The following TLK2 variants were observed in gnomAD, a reference collection of about 807,000 sequenced individuals.
The protein encoded by TLK2 is serine/threonine-protein kinase tousled-like 2.
In TLK2, 6 loss-of-function variants were observed where a neutral mutation model predicts 117.3. That is an observed-to-expected ratio of 0.05 (90% confidence interval 0.03 to 0.10). The LOEUF (loss-of-function observed/expected upper bound fraction) is 0.10. Among genes scored for constraint, TLK2 ranks in the 10% least tolerant of loss-of-function variants. TLK2 has a pLI of 1.00. For missense variants in TLK2, 299 were observed against 901.2 expected, an observed-to-expected ratio of 0.33 and a Z score of 8.56; for synonymous variants, 257 against 316.7, an observed-to-expected ratio of 0.81 and a Z score of 2.00.
At chr17:62,530,242 C>T (rs1463241313) in intron 6 of TLK2, among the ~76,000 whole-genome samples, 1 of 152,126 alleles carries the variant, frequency 6.6e-6, no homozygotes, top group Non-Finnish European at 1.5e-5. Flanking sequence ...CCACTGCACT[C>T]TAGCCTGGGT....
chr17:62,582,291 A>G (rs146246560), intron 15 of TLK2, among the ~76,000 whole-genome samples: 183 of 152,156 alleles, frequency 1.2e-3, no homozygotes, highest in African/African-American at 4.2e-3. Flanking sequence ...GTGCTGCCTA[A>G]GCTGGTCTCA....
chr17:62,538,033 G>GTTTTTTTTTTT (rs57512334), intron 7 of TLK2, among the ~76,000 whole-genome samples: 4 of 106,186 alleles, frequency 3.8e-5, no homozygotes, highest in South Asian at 3.6e-4. Context: ...TTAAATCTTT[G>GTTTTTTTTTTT]TTTTTTTTTT....
chr17:62,595,994 G>T (rs1323874948), intron 16 of TLK2, among the ~76,000 whole-genome samples: 1 of 152,118 alleles, frequency 6.6e-6, no homozygotes, highest in Non-Finnish European at 1.5e-5. Flanking sequence ...GTGGAAAAGA[G>T]GTGTGATTAT....
At chr17:62,601,903 A>G in intron 18 of TLK2, 139 bp from the exon 19 acceptor site, 1 of 703,182 alleles carries the variant, frequency 1.4e-6, no homozygotes, top group East Asian at 2.8e-5. Context: ...CAGAGTCCAG[A>G]TTGCTTGATT....
chr17:62,592,765 A>G (rs1441004860), intron 16 of TLK2, among the ~76,000 whole-genome samples: 3 of 152,314 alleles, frequency 2.0e-5, no homozygotes, highest in South Asian at 2.1e-4. Flanking sequence ...ACATTGTAGT[A>G]TATACTGAAT....
chr17:62,536,530 T>C (rs2077125148), intron 7 of TLK2, among the ~76,000 whole-genome samples, 193 bp downstream of exon 7: 1 of 152,008 alleles, frequency 6.6e-6, no homozygotes, highest in African/African-American at 2.4e-5. Flanking sequence ...TTTTTCCCAG[T>C]CTCCCTTGGT....
intron 7 of TLK2, among the ~76,000 whole-genome samples, chr17:62,538,891 G>A (rs1308976718): frequency 1.3e-5 from 2 of 152,172 alleles, no homozygotes; most frequent in African/African-American, 4.8e-5. Flanking sequence ...AATCAGCAAA[G>A]GAAAGCAGAT....
chr17:62,572,675 C>T (rs986353999), intron 11 of TLK2, among the ~76,000 whole-genome samples: 12 of 151,996 alleles, frequency 7.9e-5, no homozygotes, highest in African/African-American at 1.5e-4. Context: ...TATCAGTGGG[C>T]GGGGTTGACG....
intron 17 of TLK2, 51 bp downstream of exon 17, chr17:62,596,725 C>A: frequency 6.6e-7 from 1 of 1,508,658 alleles, no homozygotes; most frequent in Non-Finnish European, 9.2e-7. Context: ...TCTTGCAATG[C>A]TGATTGTTCA....
At chr17:62,596,706 A>G (rs755333274) in intron 17 of TLK2, 32 bp downstream of exon 17, 37 of 1,583,702 alleles carry the variant, frequency 2.3e-5, no homozygotes, top group Non-Finnish European at 2.6e-5. Context: ...CTTAACAGTT[A>G]TATTATTTTC....
chr17:62,501,041 A>G (rs1309515890), intron 2 of TLK2, among the ~76,000 whole-genome samples: 1 of 151,982 alleles, frequency 6.6e-6, no homozygotes, highest in Non-Finnish European at 1.5e-5. Flanking sequence ...GATCGAGACC[A>G]TCCTGGCTAA....
At chr17:62,564,891 T>C (rs932235683) in intron 10 of TLK2, 110 bp from the exon 11 acceptor site, 15 of 1,365,444 alleles carry the variant, frequency 1.1e-5, no homozygotes, top group Middle Eastern at 2.5e-4. Flanking sequence ...GAGAAGTGTA[T>C]GGTTTTCAAT....
rs760251145 is a variant in TLK2 at position 62,548,227 on chromosome 17, C to CATATAT, written c.532-4066_532-4061dup. ...TTTTGCATTTTACTTATCATTGGGC[C>CATATAT]ATATATATATATATGTGTGTGTGTG... On this transcript the variant is annotated intron_variant, in intron 7 of 21. Coordinates refer to ENST00000346027, the MANE Select transcript of TLK2 (RefSeq NM_006852.6). Among the ~76,000 whole-genome samples the CATATAT allele has an allele frequency of 3.5e-3, 464 of 132,210 alleles. 3 individuals are homozygous for CATATAT. The highest frequency in any genetic ancestry group is 0.013 in the African/African-American group (433 of 34,014). 86.7% of individuals were successfully genotyped at this position (132,210 alleles called of 152,430 possible).
rs200412545 is a variant in TLK2 at position 62,569,434 on chromosome 17, C to CT, written c.969-3762dup. Among the ~76,000 whole-genome samples the CT allele has an allele frequency of 3.2e-3, 279 of 87,208 alleles. 9 individuals are homozygous for CT. The highest frequency in any genetic ancestry group is 9.1e-3 in the South Asian group (21 of 2,314). 57.2% of individuals were successfully genotyped at this position (87,208 alleles called of 152,430 possible). On this transcript the variant is annotated intron_variant, in intron 11 of 21. Transcript: ENST00000346027. ...TTTAAATAATGACTGGAAATACGTG[C>CT]TTTTTTTTTTTTTTTTTTTGAGATG...
chr17:62,499,863 GA>G lies in TLK2; in HGVS notation c.81+18664del, dbSNP rs542108105. On this transcript the variant is annotated intron_variant, in intron 2 of 21. Coordinates refer to ENST00000346027, the MANE Select transcript of TLK2 (RefSeq NM_006852.6). ...GAGACTCAGTCTAAAAAAAAAAAAA[GA>G]AAAAAAGAATTATTTGTTGTGAAAA... Among the ~76,000 whole-genome samples, 31 of 149,506 alleles carry G rather than the reference GA, an allele frequency of 2.1e-4. No homozygotes were observed. The East Asian group carries it at 6.1e-3, about 29-fold the overall frequency.
At chr17:62,539,503 A>G (rs2077355561) in intron 7 of TLK2, among the ~76,000 whole-genome samples, 1 of 139,428 alleles carries the variant, frequency 7.2e-6, no homozygotes, top group Admixed American at 7.4e-5. Flanking sequence ...CAATTGAGAC[A>G]GGGTCTCACT....
At chr17:62,504,611 C>T (rs1478054438) in intron 2 of TLK2, among the ~76,000 whole-genome samples, 3 of 151,952 alleles carry the variant, frequency 2.0e-5, no homozygotes, top group African/African-American at 4.8e-5. Context: ...TGAGACCAGC[C>T]AGGGCAACAT....
chr17:62,565,666 A>AAAT (rs907860279), intron 11 of TLK2, among the ~76,000 whole-genome samples: 1 of 151,652 alleles, frequency 6.6e-6, no homozygotes, highest in African/African-American at 2.4e-5. Flanking sequence ...AAAAAAAAAA[A>AAAT]AAAGAATGAG....
chr17:62,489,296 G>A (rs984806367), intron 2 of TLK2, among the ~76,000 whole-genome samples: 1 of 151,640 alleles, frequency 6.6e-6, no homozygotes, highest in South Asian at 2.1e-4. Flanking sequence ...TGCCTTCTGG[G>A]CTCAAGTGAT....
Sources: gnomAD v4.1 joint callset for allele counts (sites outside exome capture counted in the v4.1 genomes callset) on GRCh38, gnomAD v4.1.1 for gene constraint, MANE v1.5 for transcripts, NCBI Gene and HGNC (gene_info 2026-07-23, HGNC 2026-07-21) for gene names.